The following ADAMTS16 variants were observed in gnomAD, a reference collection of about 807,000 sequenced individuals.
ADAMTS16 encodes the protein ADAM metallopeptidase with thrombospondin type 1 motif 16.
ADAMTS16 carries 94 observed loss-of-function variants against 145.8 expected under a neutral mutation model. The ratio of observed to expected loss-of-function variants is 0.64; its 90% CI spans 0.55 to 0.77. The LOEUF is 0.77. ADAMTS16 is among the 30% of genes least tolerant of loss of function. The pLI is 0.00. For synonymous variants in ADAMTS16, 659 were observed against 604.3 expected, an observed-to-expected ratio of 1.09 and a Z score of -1.33; for missense variants, 1,585 against 1,591.5, an observed-to-expected ratio of 1.00 and a Z score of 0.07.
At chr5:5,241,791 A>G (rs934944749) in intron 16 of ADAMTS16, among the ~76,000 whole-genome samples, 9 of 152,250 alleles carry the variant, frequency 5.9e-5, no homozygotes, top group African/African-American at 2.2e-4. Context: ...CTAAGTTGCA[A>G]AAGTGTTTGA....
chr5:5,161,933 A>G (rs1360650396), intron 3 of ADAMTS16, among the ~76,000 whole-genome samples: 1 of 152,134 alleles, frequency 6.6e-6, no homozygotes, highest in African/African-American at 2.4e-5. Context: ...TTCTTTTTCA[A>G]CACACATATC....
chr5:5,235,123 G>A lies in ADAMTS16; in HGVS notation c.1960G>A (p.Glu654Lys), dbSNP rs767751970. Residue 654 changes from glutamate to lysine, a missense_variant, in exon 13 of 23, where the codon GAG becomes AAG. Transcript: ENST00000274181. ...SVDFRAAQCA[E>K]HNSRRFRGRH... ...TGACTTCCGTGCTGCTCAGTGTGCC[G>A]AGCACAACAGCAGACGATTCAGAGG... The A allele has an allele frequency of 7.5e-6, 12 of 1,601,154 alleles. No homozygotes were observed. The highest frequency in any genetic ancestry group is 2.3e-5 in the East Asian group (1 of 44,412).
chr5:5,182,013 T>G, intron 3 of ADAMTS16, 31 bp from the exon 4 acceptor site: 1 of 1,574,842 alleles, frequency 6.3e-7, no homozygotes, highest in Non-Finnish European at 8.6e-7. Context: ...AGTCTAATTG[T>G]GTTTTCTTTC....
At chr5:5,314,920 T>C (rs1561007451) in intron 21 of ADAMTS16, among the ~76,000 whole-genome samples, 1 of 152,214 alleles carries the variant, frequency 6.6e-6, no homozygotes, top group Non-Finnish European at 1.5e-5. Context: ...CCAAGTCGAC[T>C]GTGTTCATTA....
chr5:5,222,955 C>G, intron 11 of ADAMTS16, 71 bp downstream of exon 11: 1 of 1,388,192 alleles, frequency 7.2e-7, no homozygotes, highest in Non-Finnish European at 1.0e-6. Flanking sequence ...CTTTGCTCCT[C>G]TTGCATAGGT....
chr5:5,146,228 T>G lies in ADAMTS16; in HGVS notation c.274T>G (p.Ser92Ala). 2 of 1,614,162 alleles carry G rather than the reference T, an allele frequency of 1.2e-6. No homozygotes were observed. Among genetic ancestry groups the G allele is most frequent in the Non-Finnish European group, 1.7e-6 (2 of 1,180,028 alleles). The part of the protein sequence containing the change: ...HQRRRRAVPV[S>A]EVESLHLRLK... ...GCGGCGGAGAAGAGCAGTGCCCGTG[T>G]CCGAGGTTGAGTCTCTTCACCTTCG... Residue 92 changes from serine (S) to alanine (A), a missense_variant, in exon 3 of 23, where the codon TCC becomes GCC. This residue lies in a region of ADAMTS16 where 453 missense variants were observed against 412.1 expected (regional missense o/e 1.10). Transcript: ENST00000274181.
chr5:5,311,214 C>T (rs1740414546), intron 21 of ADAMTS16, among the ~76,000 whole-genome samples: 1 of 151,612 alleles, frequency 6.6e-6, no homozygotes, highest in Non-Finnish European at 1.5e-5. Flanking sequence ...ACACCCACCA[C>T]CTACCGAGAC....
At chr5:5,203,786 G>C (rs1316195429) in intron 9 of ADAMTS16, among the ~76,000 whole-genome samples, 1 of 152,136 alleles carries the variant, frequency 6.6e-6, no homozygotes, top group Non-Finnish European at 1.5e-5. Flanking sequence ...CTGCAGATCA[G>C]TGAAAATGCC....
chr5:5,250,736 T>TGTGTGTGTGTGTGTGCGC (rs764397980), intron 17 of ADAMTS16, among the ~76,000 whole-genome samples: 5 of 141,808 alleles, frequency 3.5e-5, no homozygotes, highest in Admixed American at 2.8e-4. Context: ...TGTGTGTGTG[T>TGTGTGTGTGTGTGTGCGC]GCGCGCACTC....
intron 17 of ADAMTS16, among the ~76,000 whole-genome samples, chr5:5,256,412 T>C (rs976872078): frequency 6.6e-6 from 1 of 152,250 alleles, no homozygotes; most frequent in African/African-American, 2.4e-5. Context: ...AGGCAAAACT[T>C]GCACCTGCAT....
At chr5:5,156,158 G>A (rs1734596918) in intron 3 of ADAMTS16, among the ~76,000 whole-genome samples, 1 of 152,184 alleles carries the variant, frequency 6.6e-6, no homozygotes, top group African/African-American at 2.4e-5. Context: ...AATGGGATTT[G>A]TATAGTTCCA....
intron 3 of ADAMTS16, among the ~76,000 whole-genome samples, chr5:5,162,426 G>A (rs1734764154): frequency 1.3e-5 from 2 of 152,320 alleles, no homozygotes; most frequent in Non-Finnish European, 2.9e-5. Flanking sequence ...TAAAGGCTGA[G>A]CATTTGACCA....
intron 10 of ADAMTS16, among the ~76,000 whole-genome samples, chr5:5,209,656 T>C (rs555048532): frequency 6.6e-6 from 1 of 152,274 alleles, no homozygotes; most frequent in Non-Finnish European, 1.5e-5. Flanking sequence ...GGCTACTGAT[T>C]AATAAATTTC....
At chr5:5,199,373 G>A (rs1234258374) in intron 8 of ADAMTS16, among the ~76,000 whole-genome samples, 1 of 152,200 alleles carries the variant, frequency 6.6e-6, no homozygotes, top group Non-Finnish European at 1.5e-5. Context: ...TCTGAGCCAG[G>A]TGTGGATCTC....
At position 5,318,096 on chromosome 5, in the gene ADAMTS16, C is replaced by A. The variant is rs867561246; in HGVS notation, c.3412-38C>A. The A allele has an allele frequency of 8.2e-6, 11 of 1,338,040 alleles. No homozygotes were observed. The Middle Eastern group carries it at 1.5e-3, about 177-fold the overall frequency. 82.9% of individuals were successfully genotyped at this position (1,338,040 alleles called of 1,614,324 possible). On this transcript the variant is annotated intron_variant, in intron 21 of 22. Transcript: ENST00000274181. ...CTGAGGTTGACCAGGTGCCTGAGAGCCTGGGGCCATGGTGACATGTGTGTG... is the reference window on the plus strand; with the variant it reads ...CTGAGGTTGACCAGGTGCCTGAGAGACTGGGGCCATGGTGACATGTGTGTG...
chr5:5,205,802 T>A (rs894577840), intron 9 of ADAMTS16, among the ~76,000 whole-genome samples: 1 of 152,256 alleles, frequency 6.6e-6, no homozygotes, highest in South Asian at 2.1e-4. Context: ...TCTTACTGTT[T>A]CTTGTTCTTG....
At position 5,146,356 on chromosome 5, in the gene ADAMTS16, G is replaced by C; in HGVS notation, c.402G>C (p.Lys134Asn). ...IVQTLGKTGT[K>N]SVQTLPPEDF... Reference sequence around the variant, plus strand: ...AGACGTTGGGAAAGACAGGCACTAAGTCTGTGCAGACTTTACCGCCAGAGG... The same window carrying C: ...AGACGTTGGGAAAGACAGGCACTAACTCTGTGCAGACTTTACCGCCAGAGG... Residue 134 changes from lysine (K) to asparagine (N), a missense_variant, in exon 3 of 23, where the codon AAG (lysine) becomes AAC (asparagine). By Grantham distance (94) the Lys-to-Asn change is moderately conservative (BLOSUM62 0). Around this residue, in one of 3 missense-constraint regions of ADAMTS16, gnomAD observed 453 missense variants for 412.1 expected, o/e 1.10. Transcript: ENST00000274181. 2 of 1,614,176 alleles carry C rather than the reference G, an allele frequency of 1.2e-6. No individual in the cohort carries two copies. The highest frequency in any genetic ancestry group is 1.7e-6 in the Non-Finnish European group (2 of 1,180,046).
intron 17 of ADAMTS16, among the ~76,000 whole-genome samples, chr5:5,255,077 T>C (rs1737739406): frequency 6.6e-6 from 1 of 152,166 alleles, no homozygotes; most frequent in Non-Finnish European, 1.5e-5. Flanking sequence ...AATTAGTTTT[T>C]CTAATTAAGA....
intron 17 of ADAMTS16, among the ~76,000 whole-genome samples, chr5:5,258,838 A>G (rs149587169): frequency 3.4e-4 from 51 of 151,250 alleles, no homozygotes; most frequent in African/African-American, 1.2e-3. Flanking sequence ...ATGTATATGT[A>G]TATATATATA....
Sources: allele counts gnomAD v4.1 joint callset (sites outside exome capture counted in the v4.1 genomes callset), GRCh38; gene constraint gnomAD v4.1.1; regional missense constraint gnomAD v4.1.1; transcripts MANE v1.5; gene names NCBI Gene and HGNC (gene_info 2026-07-23, HGNC 2026-07-21).